TMEM132C: variants seen among roughly 807,000 people sequenced by gnomAD.
TMEM132C encodes the protein protein phosphatase 1, regulatory subunit 152.
Under a neutral mutation model 61.4 loss-of-function variants are expected in TMEM132C, and 29 were observed. The ratio of observed to expected loss-of-function variants is 0.47; its 90% confidence interval spans 0.35 to 0.64. The LOEUF is 0.64. Among genes scored for constraint, TMEM132C ranks in the 30% least tolerant of loss-of-function variants. TMEM132C has a pLI of 0.00. For synonymous variants in TMEM132C, 656 were observed against 633.1 expected (o/e 1.04, Z -0.54); for missense variants, 1,408 against 1,476.9 (o/e 0.95, Z 0.76).
chr12:128,538,287 A>AT (rs1359247995), intron 2 of TMEM132C, among the ~76,000 whole-genome samples: 2 of 137,206 alleles, frequency 1.5e-5, no homozygotes, highest in East Asian at 2.1e-4. Flanking sequence ...TGCCTGGTTA[A>AT]TTTTTTTTGT....
intron 5 of TMEM132C, among the ~76,000 whole-genome samples, chr12:128,682,054 C>T (rs1954639752): frequency 6.6e-6 from 1 of 152,096 alleles, no homozygotes; most frequent in African/African-American, 2.4e-5. Flanking sequence ...CCTGAGGTCT[C>T]CTCTGATTGC....
intron 2 of TMEM132C, among the ~76,000 whole-genome samples, chr12:128,464,974 A>G (rs902776016): frequency 6.6e-6 from 1 of 152,244 alleles, no homozygotes; most frequent in South Asian, 2.1e-4. Flanking sequence ...AAGCAGACAC[A>G]GAGAGGGGAG....
rs1875323180 is a variant in TMEM132C at position 128,405,796 on chromosome 12, T to C, written c.86-8936T>C. On this transcript the variant is annotated intron_variant, in intron 1 of 8. Coordinates refer to ENST00000435159, the MANE Select transcript of TMEM132C (RefSeq NM_001136103.3). ...CATTATCTGGTTCATGTCATGAGAT[T>C]GAGGGAGGTGTGAAGCTTAGGAAAC... Among the ~76,000 whole-genome samples the C allele has an allele frequency of 1.3e-5, 2 of 152,222 alleles. 1 individual carries two copies. Among genetic ancestry groups the C allele is most frequent in the South Asian group, 4.1e-4 (2 of 4,828 alleles).
Position 128,548,552 on chromosome 12 carries a change from C to T in TMEM132C, c.1121+4449C>T, listed in dbSNP as rs541283688. Among the ~76,000 whole-genome samples, 16 of 152,248 alleles carry T rather than the reference C, an allele frequency of 1.1e-4. 1 individual carries two copies. In the South Asian group the frequency reaches 2.7e-3, roughly 26 times the overall value. ...GTAGGGCCCACTTGGATCATCTCTC[C>T]GTCTCATGATCCTTAACCTAATCAC... On this transcript the variant is annotated intron_variant, in intron 3 of 8. Coordinates refer to ENST00000435159, the MANE Select transcript of TMEM132C (RefSeq NM_001136103.3).
intron 2 of TMEM132C, among the ~76,000 whole-genome samples, chr12:128,475,768 G>A (rs551417780): frequency 7.7e-4 from 117 of 152,254 alleles, no homozygotes; most frequent in Non-Finnish European, 1.2e-3. Flanking sequence ...CAACACTGGC[G>A]TCAGGGTTCT....
intron 1 of TMEM132C, among the ~76,000 whole-genome samples, chr12:128,376,360 C>G (rs975381243): frequency 1.3e-5 from 2 of 152,088 alleles, no homozygotes; most frequent in African/African-American, 2.4e-5. Context: ...TGAAACTTTC[C>G]TACTTGTCTG....
intron 2 of TMEM132C, among the ~76,000 whole-genome samples, chr12:128,493,692 A>G (rs1871833756): frequency 6.6e-6 from 1 of 152,210 alleles, no homozygotes; most frequent in South Asian, 2.1e-4. Flanking sequence ...ATTTTTGCAC[A>G]TTGATTTTGT....
intron 2 of TMEM132C, among the ~76,000 whole-genome samples, chr12:128,417,988 C>A (rs1248889268): frequency 1.3e-5 from 2 of 152,092 alleles, no homozygotes; most frequent in East Asian, 3.9e-4. Context: ...AAGGGTACTG[C>A]TTGGTGCCGT....
chr12:128,638,884 A>ATGGTGG (rs796453348), intron 4 of TMEM132C, among the ~76,000 whole-genome samples: 2 of 82,732 alleles, frequency 2.4e-5, no homozygotes, highest in South Asian at 3.9e-4. Context: ...AATGGTGATG[A>ATGGTGG]TGGTGGTGGT....
chr12:128,386,704 C>T (rs2135995809), intron 1 of TMEM132C, among the ~76,000 whole-genome samples: 1 of 152,292 alleles, frequency 6.6e-6, no homozygotes, highest in Admixed American at 6.5e-5. Flanking sequence ...CATTCTTATC[C>T]CCCATCTTTT....
chr12:128,635,466 T>TC (rs1468530965), intron 4 of TMEM132C, among the ~76,000 whole-genome samples: 110 of 146,802 alleles, frequency 7.5e-4, no homozygotes, highest in African/African-American at 2.5e-3. Context: ...TTTTTTCTTT[T>TC]TTTTTTTTTT....
chr12:128,351,058 A>G (rs1873322636), intron 1 of TMEM132C, among the ~76,000 whole-genome samples: 1 of 152,130 alleles, frequency 6.6e-6, no homozygotes, highest in Non-Finnish European at 1.5e-5. Context: ...CCAAGAACCC[A>G]AGAGAGAAAT....
At chr12:128,395,440 C>T (rs1184796889) in intron 1 of TMEM132C, among the ~76,000 whole-genome samples, 1 of 152,168 alleles carries the variant, frequency 6.6e-6, no homozygotes, top group African/African-American at 2.4e-5. Context: ...CAGTTAAAAA[C>T]ACAGATGCTT....
chr12:128,554,347 G>T (rs2136157936), intron 3 of TMEM132C, among the ~76,000 whole-genome samples: 1 of 152,344 alleles, frequency 6.6e-6, no homozygotes, highest in Admixed American at 6.5e-5. Flanking sequence ...CCTCTCAGAG[G>T]ACACATCCAT....
chr12:128,349,918 T>TACACACAC (rs56323654), intron 1 of TMEM132C, among the ~76,000 whole-genome samples: 4 of 149,688 alleles, frequency 2.7e-5, no homozygotes, highest in African/African-American at 9.9e-5. Flanking sequence ...ACACGTACCG[T>TACACACAC]ACACACACAC....
intron 5 of TMEM132C, among the ~76,000 whole-genome samples, chr12:128,687,991 A>G (rs934181540): frequency 1.3e-5 from 2 of 152,022 alleles, no homozygotes; most frequent in African/African-American, 4.8e-5. Context: ...GTTTGTGTGG[A>G]CCATCTGTTC....
At chr12:128,438,011 C>T (rs1869658846) in intron 2 of TMEM132C, 3 of 152,172 alleles carry the variant, frequency 2.0e-5, no homozygotes, top group Admixed American at 1.3e-4. Context: ...TTATTATCTT[C>T]TATGTTCAGG....
In TMEM132C at chr12:128,638,132, C is replaced by T. The variant is rs150451232; in HGVS notation, c.1305+21797C>T. On this transcript the variant is annotated intron_variant, in intron 4 of 8. Transcript: ENST00000435159. Reference sequence around the variant, plus strand: ...GAACTGGACTGGATAACCCTCTTAGCTCTGTGAGTGACTGAAGGCTAAATA... The same window carrying T: ...GAACTGGACTGGATAACCCTCTTAGTTCTGTGAGTGACTGAAGGCTAAATA... Among the ~76,000 whole-genome samples, 83 of 152,330 alleles carry T rather than the reference C, an allele frequency of 5.4e-4. No homozygotes were observed. The Middle Eastern group carries it at 0.014, about 25-fold the overall frequency.
chr12:128,459,619 C>T lies in TMEM132C; in HGVS notation c.974+43999C>T, dbSNP rs111688757. Reference sequence around the variant, plus strand: ...AATGAATGCTCTCTTGGGCCAGGCGCGGTGGCTCACACCTGTAATCCCAGC... The same window carrying T: ...AATGAATGCTCTCTTGGGCCAGGCGTGGTGGCTCACACCTGTAATCCCAGC... On this transcript the variant is annotated intron_variant, in intron 2 of 8. Coordinates refer to ENST00000435159, the MANE Select transcript of TMEM132C (RefSeq NM_001136103.3). Among the ~76,000 whole-genome samples, 24 of 152,114 alleles carry T rather than the reference C, an allele frequency of 1.6e-4. 1 individual carries two copies. The highest frequency in any genetic ancestry group is 3.9e-4 in the East Asian group (2 of 5,170).
Sources: allele counts gnomAD v4.1 joint callset (sites outside exome capture counted in the v4.1 genomes callset), GRCh38; gene constraint gnomAD v4.1.1; transcripts MANE v1.5; gene names NCBI Gene and HGNC (gene_info 2026-07-23, HGNC 2026-07-21).